The following PCDHGB5 variants were observed in gnomAD, a reference collection of about 807,000 sequenced individuals.
PCDHGB5 encodes the protein protocadherin gamma subfamily B, 5, also known as protocadherin gamma-B5.
A neutral mutation model predicts 62.9 loss-of-function variants in PCDHGB5; 48 were observed. That is an observed-to-expected ratio of 0.76 (90% CI 0.61 to 0.97). The LOEUF (loss-of-function observed/expected upper bound fraction) is 0.97, where lower values mean the gene tolerates loss of function less well. PCDHGB5 is among the 50% of genes least tolerant of loss of function. The probability of loss-of-function intolerance (pLI) is 0.00; values close to 1 mark genes in which losing one functional copy is unlikely to be tolerated. For missense variants in PCDHGB5, 1,118 were observed against 1,198.6 expected (o/e 0.93, Z 0.99); for synonymous variants, 474 against 511.2 (o/e 0.93, Z 0.98).
rs1386610242 is a variant in PCDHGB5, at chr5:141,398,172, A to G, written c.45A>G (p.Pro15=). The G allele has an allele frequency of 6.1e-6, 9 of 1,476,892 alleles. No individual in the cohort carries two copies. The highest frequency in any genetic ancestry group is 7.2e-6 in the Non-Finnish European group (8 of 1,112,920). 91.5% of individuals were successfully genotyped at this position (1,476,892 alleles called of 1,614,324 possible). The change falls in exon 1 of 4, where the codon CCA becomes CCG. Residue 15 remains proline (P), a synonymous_variant. Coordinates refer to ENST00000617380, the MANE Select transcript of PCDHGB5 (RefSeq NM_018925.3). ...AGELGRAERL[P]VLFLFLLSLF... is the part of the protein sequence containing the mutation. The stretch of plus-strand genomic sequence containing the variant: ...AGCTGGGCCGGGCTGAGAGGCTGCC[A>G]GTGCTCTTTCTCTTCCTGCTGTCTT...
At chr5:141,478,019 C>T in intron 1 of PCDHGB5, 1 of 1,614,136 alleles carries the variant, frequency 6.2e-7, no homozygotes, top group Non-Finnish European at 8.5e-7. Flanking sequence ...CCGTCCAGTC[C>T]AAGACACAGA....
chr5:141,414,781 G>T, intron 1 of PCDHGB5: 2 of 1,614,230 alleles, frequency 1.2e-6, no homozygotes, highest in Non-Finnish European at 1.7e-6. Flanking sequence ...ACAGATGCAG[G>T]TGACAGCCAG....
chr5:141,420,065 G>A (rs1253164840), intron 1 of PCDHGB5: 4 of 1,614,018 alleles, frequency 2.5e-6, no homozygotes, highest in Non-Finnish European at 3.4e-6. Flanking sequence ...CTCCAAGTCC[G>A]GACCTGTGGG....
At chr5:141,508,815 C>T (rs1190983144) in intron 3 of PCDHGB5, among the ~76,000 whole-genome samples, 1 of 152,138 alleles carries the variant, frequency 6.6e-6, no homozygotes, top group East Asian at 1.9e-4. Context: ...TCTTTGAAGC[C>T]AGATCTGGGC....
intron 1 of PCDHGB5, chr5:141,419,781 G>T: frequency 6.2e-7 from 1 of 1,614,032 alleles, no homozygotes; most frequent in Non-Finnish European, 8.5e-7. Context: ...GTCCGCCAGC[G>T]CCTGCTAGTC....
intron 1 of PCDHGB5, chr5:141,478,260 T>C (rs1340624663): frequency 6.2e-7 from 1 of 1,614,182 alleles, no homozygotes; most frequent in East Asian, 2.2e-5. Context: ...GTAATCATAT[T>C]CAAAGTTTAC....
Position 141,468,058 on chromosome 5 carries a change from C to T in PCDHGB5, c.2398-26749C>T, listed in dbSNP as rs993225792. ...TAGAAAACTAAGCCGGGCACAGTGG[C>T]TCACACCTGTAATCCCAGCACTTTG... On this transcript the variant is annotated intron_variant, in intron 1 of 3. Transcript: ENST00000617380. 1.1e-4 allele frequency among the ~76,000 whole-genome samples: 16 copies of T among 152,140 alleles called. 2 individuals carry two copies. The highest frequency in any genetic ancestry group is 5.2e-4 in the Admixed American group (8 of 15,276).
chr5:141,448,204 C>G (rs757249025), intron 1 of PCDHGB5, among the ~76,000 whole-genome samples: 28 of 152,124 alleles, frequency 1.8e-4, no homozygotes, highest in South Asian at 4.1e-4. Flanking sequence ...CAAACATTTT[C>G]TGTGTGTATG....
intron 1 of PCDHGB5, among the ~76,000 whole-genome samples, chr5:141,458,890 C>A (rs369529373): frequency 2.0e-5 from 3 of 152,042 alleles, no homozygotes; most frequent in African/African-American, 7.2e-5. Flanking sequence ...GCACACCATG[C>A]GCAGCTAATT....
In PCDHGB5 at chr5:141,487,258, G is replaced by T. The variant is rs368598017; in HGVS notation, c.2398-7549G>T. On this transcript the variant is annotated intron_variant, in intron 1 of 3. Transcript: ENST00000617380. The surrounding 1 kb of genome is among the most constrained non-coding windows in gnomAD (Gnocchi z 5.0). ...CTCGTCTAACCCTCTACTTGGCTGT[G>T]TCCCTAGTGGCAATTTGCTTTGTCT... 1.5e-4 allele frequency: 240 copies of T among 1,614,026 alleles called. 1 individual carries two copies. The highest frequency in any genetic ancestry group is 3.3e-5 in the Admixed American group (2 of 60,004).
At chr5:141,496,172 T>C (rs942740022) in intron 2 of PCDHGB5, among the ~76,000 whole-genome samples, 1 of 151,672 alleles carries the variant, frequency 6.6e-6, no homozygotes, top group Non-Finnish European at 1.5e-5. Context: ...CACCCTCCCA[T>C]CCAAGCAGCC....
At chr5:141,404,568 G>A (rs2094540345) in intron 1 of PCDHGB5, 1 of 1,613,868 alleles carries the variant, frequency 6.2e-7, no homozygotes, top group Non-Finnish European at 8.5e-7. Flanking sequence ...GACAGTGGAA[G>A]CCCACCACTT....
intron 1 of PCDHGB5, among the ~76,000 whole-genome samples, chr5:141,484,740 G>GA (rs1047805396): frequency 2.0e-5 from 3 of 150,646 alleles, no homozygotes; most frequent in Admixed American, 1.3e-4. Context: ...GGTGTGTTAG[G>GA]AAAAAAAATG....
Position 141,397,967 on chromosome 5 carries a change from C to T in PCDHGB5, c.-161C>T, listed in dbSNP as rs931333276. 1.8e-6 allele frequency: 2 copies of T among 1,110,472 alleles called. No homozygotes were observed. Among genetic ancestry groups the T allele is most frequent in the Non-Finnish European group, 2.5e-6 (2 of 791,348 alleles). 68.8% of individuals were successfully genotyped at this position (1,110,472 alleles called of 1,614,324 possible). ...CCAGGGCAGCCCCAGCTCAGACTCC[C>T]CAGCGCCGGCCTTTACACCGCTTCC... On this transcript the variant is annotated 5_prime_UTR_variant, in exon 1 of 4. Coordinates refer to ENST00000617380, the MANE Select transcript of PCDHGB5 (RefSeq NM_018925.3).
intron 1 of PCDHGB5, among the ~76,000 whole-genome samples, chr5:141,458,921 C>CG (rs2098956905): frequency 6.6e-6 from 1 of 151,960 alleles, no homozygotes; most frequent in African/African-American, 2.4e-5. Flanking sequence ...TTTGTGGAGA[C>CG]GGGGTCTCAC....
chr5:141,417,038 T>TTA (rs1491140470), intron 1 of PCDHGB5: 1 of 145,854 alleles, frequency 6.9e-6, no homozygotes, highest in Non-Finnish European at 1.5e-5. Context: ...GTTTTTTTTT[T>TTA]AAAAAAAACT....
At chr5:141,499,399 C>A (rs2099791676) in intron 2 of PCDHGB5, among the ~76,000 whole-genome samples, 1 of 152,072 alleles carries the variant, frequency 6.6e-6, no homozygotes, top group Non-Finnish European at 1.5e-5. Flanking sequence ...ATAGTACATG[C>A]TCATTATAGA....
intron 1 of PCDHGB5, chr5:141,419,829 C>G (rs748734266): frequency 6.2e-7 from 1 of 1,614,072 alleles, no homozygotes; most frequent in Admixed American, 1.7e-5. Flanking sequence ...CTTTCAGCCA[C>G]TGCCACGCTG....
chr5:141,475,820 C>T (rs890721743), intron 1 of PCDHGB5: 2 of 351,808 alleles, frequency 5.7e-6, no homozygotes, highest in African/African-American at 2.1e-5. Context: ...AAGTTCCTGG[C>T]GCTAGCGCGT....
Sources: gnomAD v4.1 joint callset for allele counts (sites outside exome capture counted in the v4.1 genomes callset) on GRCh38, gnomAD v4.1.1 for gene constraint, Gnocchi (gnomAD v3.1) non-coding constraint, MANE v1.5 for transcripts, NCBI Gene and HGNC (gene_info 2026-07-23, HGNC 2026-07-21) for gene names.